The following MACROD2 variants were observed in gnomAD, a reference collection of about 807,000 sequenced individuals.
The protein encoded by MACROD2 is mono-ADP ribosylhydrolase 2.
MACROD2 carries 36 observed loss-of-function variants against 70.4 expected under a neutral mutation model. The observed-to-expected ratio is 0.51, with a 90% CI of 0.39 to 0.68. The LOEUF is 0.68. Ranked by LOEUF, MACROD2 falls within the 30% of genes least tolerant of loss-of-function variation. MACROD2 has a pLI of 0.00. For synonymous variants in MACROD2, 172 were observed against 178.8 expected (o/e 0.96, Z 0.30); for missense variants, 496 against 538.4 (o/e 0.92, Z 0.78).
chr20:14,672,723 G>A (rs1297716314), intron 4 of MACROD2, among the ~76,000 whole-genome samples: 2 of 152,050 alleles, frequency 1.3e-5, no homozygotes, highest in Non-Finnish European at 2.9e-5. Flanking sequence ...ACAGAGACTG[G>A]CATTTTGATT....
intron 8 of MACROD2, among the ~76,000 whole-genome samples, chr20:15,791,984 A>G (rs1351348015): frequency 6.6e-6 from 1 of 152,100 alleles, no homozygotes; most frequent in Admixed American, 6.6e-5. Flanking sequence ...GAAAAGGAAA[A>G]TGAATGAGCT....
intron 3 of MACROD2, among the ~76,000 whole-genome samples, chr20:14,221,175 C>A (rs192151998): frequency 6.6e-6 from 1 of 152,252 alleles, no homozygotes; most frequent in East Asian, 1.9e-4. Flanking sequence ...TCTTTGCATC[C>A]TTTGCTGAGA....
At chr20:14,561,315 G>A (rs539331787) in intron 4 of MACROD2, among the ~76,000 whole-genome samples, 2 of 151,878 alleles carry the variant, frequency 1.3e-5, no homozygotes, top group Middle Eastern at 3.4e-3. Context: ...CTTTTTAAAT[G>A]TCTTGATTTT....
chr20:14,700,521 TG>T (rs377674462), intron 5 of MACROD2, among the ~76,000 whole-genome samples: 32,007 of 134,454 alleles, frequency 0.24, 3,449 homozygotes, highest in East Asian at 0.32. Flanking sequence ...AGACATATGG[TG>T]GTGTGTGTGT....
chr20:15,083,051 A>G (rs1355548753), intron 5 of MACROD2, among the ~76,000 whole-genome samples: 1 of 152,148 alleles, frequency 6.6e-6, no homozygotes, highest in East Asian at 1.9e-4. Context: ...CCCCAGTGTA[A>G]GGGCTGTGAT....
At chr20:14,914,873 CAG>C (rs1218981184) in intron 5 of MACROD2, among the ~76,000 whole-genome samples, 1 of 152,110 alleles carries the variant, frequency 6.6e-6, no homozygotes, top group African/African-American at 2.4e-5. Context: ...CTGAAGAAAA[CAG>C]GGAAGATAAT....
chr20:14,492,509 C>G (rs1233541353), intron 3 of MACROD2, among the ~76,000 whole-genome samples: 1 of 152,062 alleles, frequency 6.6e-6, no homozygotes, highest in Non-Finnish European at 1.5e-5. Context: ...ATATTTGCAC[C>G]TCTTAAATTA....
chr20:15,329,836 G>A (rs2423928), intron 6 of MACROD2, among the ~76,000 whole-genome samples: 92,583 of 151,850 alleles, frequency 0.61, 29,456 homozygotes, highest in African/African-American at 0.79. Flanking sequence ...GGGCTCAGGC[G>A]TGCTACCCCA....
At chr20:16,039,202 G>A (rs1387946552) in intron 15 of MACROD2, among the ~76,000 whole-genome samples, 4 of 151,940 alleles carry the variant, frequency 2.6e-5, no homozygotes, top group African/African-American at 7.2e-5. Flanking sequence ...TATGTTCAGT[G>A]TTTCTAGCTG....
chr20:15,367,845 AT>A (rs1245468187), intron 6 of MACROD2, among the ~76,000 whole-genome samples: 1 of 152,114 alleles, frequency 6.6e-6, no homozygotes, highest in South Asian at 2.1e-4. Flanking sequence ...CAATTTCAGT[AT>A]TTTTTGTCAT....
chr20:15,947,798 A>T (rs1187843475), intron 12 of MACROD2, among the ~76,000 whole-genome samples: 1 of 152,226 alleles, frequency 6.6e-6, no homozygotes, highest in African/African-American at 2.4e-5. Flanking sequence ...AGAGCCTTGC[A>T]TAAAATTAGA....
chr20:14,192,609 A>G (rs1207602745), intron 3 of MACROD2, among the ~76,000 whole-genome samples: 1 of 152,124 alleles, frequency 6.6e-6, no homozygotes, highest in Non-Finnish European at 1.5e-5. Flanking sequence ...ATTCATGAAG[A>G]TGTGTAGCTG....
chr20:14,248,803 T>A (rs2081987551), intron 3 of MACROD2, among the ~76,000 whole-genome samples: 1 of 152,232 alleles, frequency 6.6e-6, no homozygotes, highest in East Asian at 1.9e-4. Flanking sequence ...ACTCAACCCA[T>A]ATTGGCATAT....
At chr20:15,032,155 G>A (rs750664131) in intron 5 of MACROD2, among the ~76,000 whole-genome samples, 2 of 152,184 alleles carry the variant, frequency 1.3e-5, no homozygotes, top group Non-Finnish European at 2.9e-5. Flanking sequence ...GAGGCCGGAG[G>A]GCGGGAGCAG....
intron 3 of MACROD2, among the ~76,000 whole-genome samples, chr20:14,412,946 C>G (rs919417661): frequency 4.6e-5 from 7 of 152,136 alleles, no homozygotes; most frequent in African/African-American, 1.7e-4. Flanking sequence ...AACAGTGACT[C>G]AAGACTGTAA....
chr20:15,049,879 C>T (rs1024310435), intron 5 of MACROD2, among the ~76,000 whole-genome samples: 3 of 150,468 alleles, frequency 2.0e-5, no homozygotes, highest in Admixed American at 6.7e-5. Flanking sequence ...ACCCAGGAGG[C>T]GGAGGCTGCA....
chr20:14,238,007 G>A (rs948339512), intron 3 of MACROD2, among the ~76,000 whole-genome samples: 3 of 151,934 alleles, frequency 2.0e-5, no homozygotes, highest in Admixed American at 6.6e-5. Context: ...ATAAACATAC[G>A]TGTGCATGTG....
At chr20:15,079,215 G>T (rs1387187768) in intron 5 of MACROD2, among the ~76,000 whole-genome samples, 11 of 151,522 alleles carry the variant, frequency 7.3e-5, no homozygotes, top group Non-Finnish European at 1.2e-4. Flanking sequence ...TTTTCTCCTG[G>T]TTGCTTCCTC....
At chr20:15,887,278 T>C (rs1002809094) in intron 10 of MACROD2, among the ~76,000 whole-genome samples, 1 of 152,128 alleles carries the variant, frequency 6.6e-6, no homozygotes, top group Non-Finnish European at 1.5e-5. Context: ...GGAACAAGGA[T>C]TATAGCTTCT....
Sources: gnomAD v4.1 joint callset for allele counts (sites outside exome capture counted in the v4.1 genomes callset) on GRCh38, gnomAD v4.1.1 for gene constraint, MANE v1.5 for transcripts, NCBI Gene and HGNC (gene_info 2026-07-23, HGNC 2026-07-21) for gene names.